The following SGCZ variants were observed in gnomAD, a reference collection of about 807,000 sequenced individuals.
SGCZ encodes the protein zeta-sarcoglycan.
In SGCZ, 40 loss-of-function variants were observed where a neutral mutation model predicts 41.3. The ratio of observed to expected loss-of-function variants is 0.97; its 90% CI spans 0.75 to 1.26. The LOEUF (loss-of-function observed/expected upper bound fraction) is 1.26. Ranked by LOEUF, SGCZ falls within the 50% of genes most tolerant of loss-of-function variation. The probability of loss-of-function intolerance (pLI) is 0.00; values close to 1 mark genes in which losing one functional copy is unlikely to be tolerated. For synonymous variants in SGCZ, 206 were observed against 137.5 expected (o/e 1.50, Z -3.49); for missense variants, 552 against 369.8 (o/e 1.49, Z -4.04).
At chr8:14,973,204 A>G (rs1048985375) in intron 1 of SGCZ, among the ~76,000 whole-genome samples, 1 of 152,164 alleles carries the variant, frequency 6.6e-6, no homozygotes, top group Non-Finnish European at 1.5e-5. Context: ...CAGCACTGGA[A>G]TATCTTTCTC....
At chr8:14,663,727 T>A (rs1350618854) in intron 1 of SGCZ, among the ~76,000 whole-genome samples, 2 of 152,146 alleles carry the variant, frequency 1.3e-5, no homozygotes, top group African/African-American at 4.8e-5. Context: ...GTTCAAATAG[T>A]ATCTTGGAGT....
At chr8:14,731,591 A>T (rs61591110) in intron 1 of SGCZ, among the ~76,000 whole-genome samples, 10,184 of 152,222 alleles carry the variant, frequency 0.067, 750 homozygotes, top group African/African-American at 0.18. Flanking sequence ...TACTTGTAGA[A>T]ATGTAATTTC....
At chr8:15,117,589 A>C (rs986226827) in intron 1 of SGCZ, among the ~76,000 whole-genome samples, 13 of 152,122 alleles carry the variant, frequency 8.5e-5, no homozygotes, top group African/African-American at 3.1e-4. Context: ...TTACCTGTAA[A>C]ATATAGGAAA....
intron 1 of SGCZ, among the ~76,000 whole-genome samples, chr8:15,041,330 T>A (rs1341399482): frequency 6.6e-6 from 1 of 151,968 alleles, no homozygotes; most frequent in East Asian, 1.9e-4. Flanking sequence ...TAGATAAGCA[T>A]ATAATTGTTA....
At chr8:14,949,467 C>T (rs1016940842) in intron 1 of SGCZ, among the ~76,000 whole-genome samples, 1 of 152,100 alleles carries the variant, frequency 6.6e-6, no homozygotes, top group African/African-American at 2.4e-5. Context: ...ACTGATTTCA[C>T]TTCACATGAC....
intron 1 of SGCZ, among the ~76,000 whole-genome samples, chr8:15,097,549 A>G (rs896733942): frequency 1.3e-5 from 2 of 151,742 alleles, no homozygotes; most frequent in Non-Finnish European, 2.9e-5. Context: ...CAGGAGTTTG[A>G]GACAAGCTTG....
chr8:14,446,703 T>G (rs1287091914), intron 2 of SGCZ, among the ~76,000 whole-genome samples: 1 of 152,208 alleles, frequency 6.6e-6, no homozygotes, highest in African/African-American at 2.4e-5. Context: ...GTGAGGAAGA[T>G]AAAAGCTCAC....
chr8:15,205,578 G>A lies in SGCZ; in HGVS notation c.39+32007C>T, dbSNP rs185683813. On this transcript the variant is annotated intron_variant, in intron 1 of 7. Transcript: ENST00000382080. Reference sequence around the variant, plus strand: ...GATACCATCTCATACCAGTCACAATGGCTATTAATAAAAAGTCAAAAAATA... The same window carrying A: ...GATACCATCTCATACCAGTCACAATAGCTATTAATAAAAAGTCAAAAAATA... Among the ~76,000 whole-genome samples the A allele has an allele frequency of 5.4e-3, 818 of 152,052 alleles. 9 individuals are homozygous for A. The highest frequency in any genetic ancestry group is 0.019 in the African/African-American group (788 of 41,482).
chr8:14,276,318 T>A (rs1255390055), intron 3 of SGCZ, among the ~76,000 whole-genome samples: 1 of 152,170 alleles, frequency 6.6e-6, no homozygotes, highest in African/African-American at 2.4e-5. Context: ...CACAGCTTCT[T>A]AGGGATCTTA....
At chr8:14,296,187 C>G (rs141000094) in intron 3 of SGCZ, among the ~76,000 whole-genome samples, 1 of 152,098 alleles carries the variant, frequency 6.6e-6, no homozygotes, top group African/African-American at 2.4e-5. Context: ...GACTAACGTC[C>G]TGCAAAAACC....
chr8:14,689,905 T>C (rs1178776776), intron 1 of SGCZ, among the ~76,000 whole-genome samples: 5 of 152,300 alleles, frequency 3.3e-5, no homozygotes, highest in Middle Eastern at 3.4e-3. Context: ...TATGACAATG[T>C]CACTTACTGC....
At chr8:14,772,951 G>T (rs1175305440) in intron 1 of SGCZ, among the ~76,000 whole-genome samples, 2 of 152,056 alleles carry the variant, frequency 1.3e-5, no homozygotes, top group Non-Finnish European at 2.9e-5. Flanking sequence ...CCAGTAATGG[G>T]ATGGCTGGGT....
intron 2 of SGCZ, among the ~76,000 whole-genome samples, chr8:14,370,350 T>G (rs575077423): frequency 1.0e-3 from 157 of 152,048 alleles, no homozygotes; most frequent in African/African-American, 3.6e-3. Context: ...GTATATTGCT[T>G]TAGTTGATTC....
At chr8:14,598,115 C>G (rs1484214417) in intron 1 of SGCZ, among the ~76,000 whole-genome samples, 3 of 151,966 alleles carry the variant, frequency 2.0e-5, no homozygotes, top group Admixed American at 6.6e-5. Context: ...CAATGGCCAC[C>G]TCAGATAAAA....
chr8:14,960,933 A>G lies in SGCZ; in HGVS notation c.39+276652T>C, dbSNP rs1800943816. Among the ~76,000 whole-genome samples, 4 of 32,146 alleles carry G rather than the reference A, an allele frequency of 1.2e-4. No homozygotes were observed. In the South Asian group the frequency reaches 3.4e-3, roughly 27 times the overall value. The allele number at this position is 32,146 out of a possible 152,430, so 21.1% of individuals were successfully genotyped here. ...TATCTTTCTACTGCAAGGAAATGGC[A>G]CACACACACACACACACACACACAC... On this transcript the variant is annotated intron_variant, in intron 1 of 7. Transcript: ENST00000382080.
At chr8:14,851,876 T>C (rs1453895569) in intron 1 of SGCZ, among the ~76,000 whole-genome samples, 1 of 152,126 alleles carries the variant, frequency 6.6e-6, no homozygotes, top group Admixed American at 6.6e-5. Flanking sequence ...AACAGTGTTA[T>C]ATGCAGGATA....
chr8:14,264,702 C>T (rs184424077), intron 3 of SGCZ, among the ~76,000 whole-genome samples: 2 of 152,312 alleles, frequency 1.3e-5, no homozygotes, highest in East Asian at 1.9e-4. Flanking sequence ...AGTCTCACGC[C>T]TGTAATCCCA....
At chr8:14,847,045 C>G (rs1803139014) in intron 1 of SGCZ, among the ~76,000 whole-genome samples, 1 of 150,964 alleles carries the variant, frequency 6.6e-6, no homozygotes, top group South Asian at 2.1e-4. Flanking sequence ...GCACTCCAGC[C>G]TGGGTGACAG....
intron 2 of SGCZ, among the ~76,000 whole-genome samples, chr8:14,421,473 C>G (rs1347630697): frequency 6.6e-6 from 1 of 152,086 alleles, no homozygotes; most frequent in Admixed American, 6.6e-5. Context: ...GTTGTGATCT[C>G]CATGACAACT....
Sources: gnomAD v4.1 joint callset for allele counts (sites outside exome capture counted in the v4.1 genomes callset) on GRCh38, gnomAD v4.1.1 for gene constraint, MANE v1.5 for transcripts, NCBI Gene and HGNC (gene_info 2026-07-23, HGNC 2026-07-21) for gene names.